VPS13A: variants seen among roughly 807,000 people sequenced by gnomAD.
VPS13A encodes the protein intermembrane lipid transfer protein VPS13A.
In VPS13A, 264 loss-of-function variants were observed where a neutral mutation model predicts 390.9. The ratio of observed to expected loss-of-function variants is 0.68; its 90% confidence interval spans 0.61 to 0.75. VPS13A has a LOEUF of 0.75. Among genes scored for constraint, VPS13A ranks in the 30% least tolerant of loss-of-function variants. The pLI, the probability that VPS13A is intolerant of heterozygous loss-of-function variation, is 0.00. For synonymous variants in VPS13A, 1,231 were observed against 1,227.1 expected (o/e 1.00, Z -0.07); for missense variants, 3,409 against 3,733.9 (o/e 0.91, Z 2.27).
At chr9:77,223,418 A>G (rs67008261) in intron 13 of VPS13A, among the ~76,000 whole-genome samples, 31,305 of 152,150 alleles carry the variant, frequency 0.21, 3,898 homozygotes, top group East Asian at 0.4. Context: ...AGATAGGCCA[A>G]AAGCTAGGCT....
intron 19 of VPS13A, among the ~76,000 whole-genome samples, chr9:77,243,107 C>T: frequency 6.6e-6 from 1 of 151,998 alleles, no homozygotes; most frequent in East Asian, 1.9e-4. Flanking sequence ...TAGGTTCTTT[C>T]CTTCCCTCAT....
At chr9:77,204,545 A>G (rs555637780) in intron 3 of VPS13A, among the ~76,000 whole-genome samples, 2 of 152,348 alleles carry the variant, frequency 1.3e-5, no homozygotes, top group East Asian at 3.9e-4. Context: ...TATGTGAATT[A>G]CTATACATAC....
At chr9:77,314,987 T>A (rs985039577) in intron 37 of VPS13A, among the ~76,000 whole-genome samples, 3 of 152,146 alleles carry the variant, frequency 2.0e-5, no homozygotes, top group African/African-American at 7.2e-5. Flanking sequence ...CAATGGGAAG[T>A]ACATAAAAAA....
chr9:77,379,288 T>C (rs1318130197), intron 67 of VPS13A, among the ~76,000 whole-genome samples: 2 of 151,102 alleles, frequency 1.3e-5, no homozygotes, highest in Non-Finnish European at 3.0e-5. Flanking sequence ...TTGCCCAGGC[T>C]GGAGTGCAAT....
At chr9:77,256,897 C>T (rs1009997726) in intron 22 of VPS13A, among the ~76,000 whole-genome samples, 1 of 151,372 alleles carries the variant, frequency 6.6e-6, no homozygotes, top group Non-Finnish European at 1.5e-5. Flanking sequence ...TATGAGTTAA[C>T]GTGATCTCTT....
In VPS13A at chr9:77,224,437, A is replaced by G. The variant is rs1405255720; in HGVS notation, c.1162-1489A>G. Among the ~76,000 whole-genome samples the G allele has an allele frequency of 3.3e-5, 5 of 152,296 alleles. No individual in the cohort carries two copies. In the East Asian group the frequency reaches 7.7e-4, roughly 24 times the overall value. ...ATGCCATTAAGAATATTTGTGAATC[A>G]TGGGTGGAGGTCAAAATATGAACAT... On this transcript the variant is annotated intron_variant, in intron 13 of 71. Transcript: ENST00000360280.
chr9:77,268,044 A>G (rs1183688833), intron 23 of VPS13A, among the ~76,000 whole-genome samples: 3 of 152,172 alleles, frequency 2.0e-5, no homozygotes, highest in Non-Finnish European at 4.4e-5. Flanking sequence ...TTGACTTCAG[A>G]CTGCTGTGCT....
At chr9:77,240,478 G>GTTTTTT (rs11351060) in intron 19 of VPS13A, among the ~76,000 whole-genome samples, 26 of 126,052 alleles carry the variant, frequency 2.1e-4, no homozygotes, top group Non-Finnish European at 2.8e-4. Flanking sequence ...TTATGTTTTT[G>GTTTTTT]TTTTTTTTTT....
chr9:77,260,280 A>G lies in VPS13A; in HGVS notation c.2427+56A>G, dbSNP rs2131293476. 3.2e-6 allele frequency: 5 copies of G among 1,558,400 alleles called. No individual in the cohort carries two copies. In the South Asian group the frequency reaches 3.5e-5, roughly 11 times the overall value. ...TGAATTAAGAAAGTCCACAAATAGTATTTCAAACAATCACAGGAATTTTAT... is the reference window on the plus strand; with the variant it reads ...TGAATTAAGAAAGTCCACAAATAGTGTTTCAAACAATCACAGGAATTTTAT... On this transcript the variant is annotated intron_variant, in intron 23 of 71. Coordinates refer to ENST00000360280, the MANE Select transcript of VPS13A (RefSeq NM_033305.3).
intron 68 of VPS13A, among the ~76,000 whole-genome samples, chr9:77,393,418 CAG>C (rs1280574563): frequency 3.3e-5 from 5 of 152,220 alleles, no homozygotes; most frequent in African/African-American, 1.2e-4. Context: ...TTATTAATCA[CAG>C]ATGTTTTTAA....
rs539113179 is a variant in VPS13A at position 77,259,402 on chromosome 9, A to C, written c.2289-684A>C. ...TACAAATATTTAAGGTATTGGAAATAAAAGAAAGCTTGTAATTTTCTGTAG... is the reference window on the plus strand; with the variant it reads ...TACAAATATTTAAGGTATTGGAAATCAAAGAAAGCTTGTAATTTTCTGTAG... On this transcript the variant is annotated intron_variant, in intron 22 of 71. Transcript: ENST00000360280. 3.3e-4 allele frequency among the ~76,000 whole-genome samples: 51 copies of C among 152,330 alleles called. No individual in the cohort carries two copies. In the South Asian group the frequency reaches 7.7e-3, roughly 23 times the overall value.
In VPS13A at chr9:77,418,970, T is replaced by C. The variant is rs1194269928; in HGVS notation, c.*2964T>C. The C allele has an allele frequency of 6.6e-6, 1 of 152,210 alleles. No homozygotes were observed. The highest frequency in any genetic ancestry group is 6.5e-5 in the Admixed American group (1 of 15,280). 9.4% of individuals were successfully genotyped at this position (152,210 alleles called of 1,614,324 possible). On this transcript the variant is annotated 3_prime_UTR_variant, in exon 72 of 72. Coordinates refer to ENST00000360280, the MANE Select transcript of VPS13A (RefSeq NM_033305.3). ...GTTATCACTTGCCAGTATTAGTTGA[T>C]CCTTCAGGCTATGCCAAGTGCCCCC...
At chr9:77,340,001 T>C (rs1414630740) in intron 48 of VPS13A, 90 bp downstream of exon 48, 9 of 1,496,850 alleles carry the variant, frequency 6.0e-6, no homozygotes, top group Non-Finnish European at 7.3e-6. Flanking sequence ...ATTATGAAAC[T>C]TGGATAGAAA....
At chr9:77,335,344 A>T (rs1830481693) in intron 46 of VPS13A, among the ~76,000 whole-genome samples, 1 of 152,202 alleles carries the variant, frequency 6.6e-6, no homozygotes, top group Non-Finnish European at 1.5e-5. Context: ...AAAAAAATCC[A>T]AAATTGACAA....
chr9:77,371,203 G>T, intron 67 of VPS13A, 54 bp downstream of exon 67: 1 of 1,610,708 alleles, frequency 6.2e-7, no homozygotes, highest in Non-Finnish European at 8.5e-7. Flanking sequence ...CATGAGAAAT[G>T]GAATTTATCT....
At chr9:77,342,899 G>A (rs184909275) in intron 50 of VPS13A, among the ~76,000 whole-genome samples, 16 of 152,294 alleles carry the variant, frequency 1.1e-4, no homozygotes, top group Admixed American at 5.9e-4. Flanking sequence ...TTGTCTCACC[G>A]TCTAGGAAAC....
chr9:77,276,765 T>G (rs1826697907), intron 26 of VPS13A, among the ~76,000 whole-genome samples: 1 of 152,236 alleles, frequency 6.6e-6, no homozygotes, highest in African/African-American at 2.4e-5. Context: ...GTTGCTTTTT[T>G]GCACGTAGCT....
intron 1 of VPS13A, among the ~76,000 whole-genome samples, chr9:77,185,619 ATAT>A (rs1416412514): frequency 6.6e-6 from 1 of 152,148 alleles, no homozygotes; most frequent in Non-Finnish European, 1.5e-5. Flanking sequence ...GTGTCTTATC[ATAT>A]TTATAGCTGT....
In VPS13A at chr9:77,339,724, T is replaced by C. The variant is rs751540447; in HGVS notation, c.6587T>C (p.Ile2196Thr). 1 of 1,614,102 alleles carries C rather than the reference T, an allele frequency of 6.2e-7. No homozygotes were observed. Among genetic ancestry groups the C allele is most frequent in the Non-Finnish European group, 8.5e-7 (1 of 1,179,992 alleles). ...GAAATGGAAAAGACTGATTTAGATA[T>C]TGCTGTCCATATGACTTACAATACT... ...VTEMEKTDLD[I>T]AVHMTYNTGQ... The change falls in exon 48 of 72, where the codon ATT becomes ACT. Residue 2196 changes from isoleucine to threonine, a missense_variant. By Grantham distance (89) the Ile-to-Thr change is moderately conservative. Coordinates refer to ENST00000360280, the MANE Select transcript of VPS13A (RefSeq NM_033305.3).
Sources: allele counts gnomAD v4.1 joint callset (sites outside exome capture counted in the v4.1 genomes callset), GRCh38; gene constraint gnomAD v4.1.1; transcripts MANE v1.5; gene names NCBI Gene and HGNC (gene_info 2026-07-23, HGNC 2026-07-21).